Variants in SPATA13 observed in about 807,000 individuals in gnomAD.
SPATA13 encodes spermatogenesis associated 13.
In SPATA13, 50 loss-of-function variants were observed where a neutral mutation model predicts 104.0. The observed-to-expected ratio is 0.48, with a 90% CI of 0.38 to 0.61. The LOEUF is 0.61. SPATA13 is among the 20% of genes least tolerant of loss of function. SPATA13 has a pLI of 0.00. For missense variants in SPATA13, 1,524 were observed against 1,690.6 expected (o/e 0.90, Z 1.73); for synonymous variants, 606 against 667.5 (o/e 0.91, Z 1.42).
chr13:24,286,124 G>C lies in SPATA13; in HGVS notation c.2302-90G>C, dbSNP rs968006884. 8.8e-6 allele frequency: 11 copies of C among 1,256,286 alleles called. No individual in the cohort carries two copies. The Admixed American group carries it at 2.2e-4, about 25-fold the overall frequency. 77.8% of individuals were successfully genotyped at this position (1,256,286 alleles called of 1,614,324 possible). On this transcript the variant is annotated intron_variant, in intron 5 of 12. Transcript: ENST00000382108. The surrounding 1 kb of genome is among the most constrained non-coding windows in gnomAD (Gnocchi z 4.9). ...AGCATATCCAAGTGAGAGGATACCA[G>C]TGTCACCCTGAGAGAGTGCACCTAG...
chr13:24,076,196 T>C (rs1168340337), intron 3 of SPATA13, among the ~76,000 whole-genome samples: 3 of 152,164 alleles, frequency 2.0e-5, no homozygotes, highest in Admixed American at 6.5e-5. Context: ...GAAACAGCAG[T>C]GTACATGCTT....
intron 1 of SPATA13, among the ~76,000 whole-genome samples, chr13:23,981,099 GC>G (rs1404848364): frequency 6.6e-6 from 1 of 152,082 alleles, no homozygotes; most frequent in Non-Finnish European, 1.5e-5. Flanking sequence ...TAAATATTAG[GC>G]CCAGCACTAA....
At chr13:24,156,559 A>G (rs186127256), upstream of SPATA13, among the ~76,000 whole-genome samples, 1 of 152,358 alleles carries the variant, frequency 6.6e-6, no homozygotes, top group East Asian at 1.9e-4. Context: ...TTATGTGCTA[A>G]GATAATGTGA....
At chr13:24,298,679 C>T (rs1876963630) in intron 11 of SPATA13, among the ~76,000 whole-genome samples, 1 of 152,202 alleles carries the variant, frequency 6.6e-6, no homozygotes, top group Non-Finnish European at 1.5e-5. Context: ...ATACGCCCCT[C>T]CCCATCCTTG....
chr13:24,042,123 G>A (rs898436311), intron 3 of SPATA13, among the ~76,000 whole-genome samples: 4 of 96,244 alleles, frequency 4.2e-5, no homozygotes, highest in African/African-American at 2.0e-4. Flanking sequence ...CTGAGAAAGC[G>A]CGGTGTCCTC....
At chr13:24,152,036 A>C (rs1265759462) in intron 3 of SPATA13, among the ~76,000 whole-genome samples, 1 of 152,210 alleles carries the variant, frequency 6.6e-6, no homozygotes. Context: ...CAGCAGACAC[A>C]GGCAGAGTGT....
intron 4 of SPATA13, among the ~76,000 whole-genome samples, chr13:24,268,501 G>A (rs1295799802): frequency 6.6e-6 from 1 of 151,972 alleles, no homozygotes; most frequent in East Asian, 1.9e-4. Context: ...GCTCATGCCT[G>A]TAGTCCCAGC....
intron 1 of SPATA13, among the ~76,000 whole-genome samples, chr13:24,195,272 A>G (rs961616264): frequency 6.6e-6 from 1 of 152,200 alleles, no homozygotes; most frequent in Non-Finnish European, 1.5e-5. Context: ...ATGTTGTAGC[A>G]TAGCATGTGT....
chr13:24,108,829 A>T (rs1351849357), intron 3 of SPATA13, among the ~76,000 whole-genome samples: 1 of 151,956 alleles, frequency 6.6e-6, no homozygotes, highest in Non-Finnish European at 1.5e-5. Context: ...CTCTTCTGTG[A>T]CTACTCTGGG....
chr13:24,116,773 C>A (rs955168532), intron 3 of SPATA13, among the ~76,000 whole-genome samples: 4 of 150,898 alleles, frequency 2.7e-5, no homozygotes, highest in South Asian at 2.1e-4. Flanking sequence ...CTACCAGCCC[C>A]CCCCCCCCAA....
chr13:24,021,130 G>C (rs569615292), intron 3 of SPATA13, among the ~76,000 whole-genome samples: 2 of 152,210 alleles, frequency 1.3e-5, no homozygotes, highest in African/African-American at 2.4e-5. Flanking sequence ...ATATAAGGAA[G>C]GTATATTGAG....
intron 1 of SPATA13, among the ~76,000 whole-genome samples, chr13:24,217,766 C>A (rs959652061): frequency 3.9e-5 from 6 of 152,122 alleles, no homozygotes; most frequent in Non-Finnish European, 8.8e-5. Flanking sequence ...GTTGGTGCTG[C>A]CCACAGGACC....
chr13:24,288,297 A>G (rs575304550), intron 7 of SPATA13, among the ~76,000 whole-genome samples: 1 of 152,260 alleles, frequency 6.6e-6, no homozygotes, highest in South Asian at 2.1e-4. Flanking sequence ...GAACTATTAC[A>G]TTATATTGTT....
At chr13:24,291,741 TTTTTTTATTTTTTTA>T (rs1475389519) in intron 9 of SPATA13, among the ~76,000 whole-genome samples, 2 of 13,864 alleles carry the variant, frequency 1.4e-4, no homozygotes, top group African/African-American at 4.9e-4. Context: ...TCTGTCTTTA[TTTTTTTATTTTTTTA>T]TTTTTTTTTT....
intron 1 of SPATA13, among the ~76,000 whole-genome samples, chr13:24,164,290 A>G (rs1420159682): frequency 1.3e-5 from 2 of 152,204 alleles, no homozygotes; most frequent in African/African-American, 4.8e-5. Flanking sequence ...TGCTGTACCC[A>G]CATCCTTCTC....
intron 2 of SPATA13, among the ~76,000 whole-genome samples, chr13:23,998,976 A>T: frequency 7.0e-6 from 1 of 142,070 alleles, no homozygotes; most frequent in African/African-American, 2.7e-5. Flanking sequence ...CCCAGGCTGG[A>T]GTGAAGTGGC....
intron 2 of SPATA13, among the ~76,000 whole-genome samples, chr13:24,012,594 C>T (rs1593275449): frequency 1.3e-5 from 2 of 152,324 alleles, no homozygotes; most frequent in East Asian, 1.9e-4. Context: ...TCAGGGGCTC[C>T]CCTGGTTGAT....
chr13:24,177,647 G>T (rs1868513923), intron 1 of SPATA13, among the ~76,000 whole-genome samples: 1 of 151,850 alleles, frequency 6.6e-6, no homozygotes, highest in African/African-American at 2.4e-5. Context: ...TTTCTGTAGA[G>T]ACAGGGTCTC....
intron 3 of SPATA13, among the ~76,000 whole-genome samples, chr13:24,069,122 T>C (rs1879071275): frequency 6.6e-6 from 1 of 152,212 alleles, no homozygotes; most frequent in Non-Finnish European, 1.5e-5. Context: ...TTTGATTTCA[T>C]ATGAATTTTA....
Sources: allele counts gnomAD v4.1 joint callset (sites outside exome capture counted in the v4.1 genomes callset), GRCh38; gene constraint gnomAD v4.1.1; non-coding constraint Gnocchi (gnomAD v3.1); transcripts MANE v1.5; gene names NCBI Gene and HGNC (gene_info 2026-07-23, HGNC 2026-07-21).